The following NRXN3 variants were observed in gnomAD, a reference collection of about 807,000 sequenced individuals.
NRXN3 encodes neurexin 3.
In NRXN3, 32 loss-of-function variants were observed where a neutral mutation model predicts 137.6. The observed-to-expected ratio is 0.23, with a 90% CI of 0.18 to 0.31. The LOEUF (loss-of-function observed/expected upper bound fraction) is 0.31, where lower values mean the gene tolerates loss of function less well. Ranked by LOEUF, NRXN3 falls within the 10% of genes least tolerant of loss-of-function variation. The pLI, the probability that NRXN3 is intolerant of heterozygous loss-of-function variation, is 1.00. For synonymous variants in NRXN3, 798 were observed against 784.5 expected, an observed-to-expected ratio of 1.02 and a Z score of -0.29; for missense variants, 1,574 against 2,062.5, an observed-to-expected ratio of 0.76 and a Z score of 4.59.
At chr14:78,380,790 G>GTTT (rs55664650) in intron 4 of NRXN3, among the ~76,000 whole-genome samples, 167 of 145,638 alleles carry the variant, frequency 1.1e-3, no homozygotes, top group Middle Eastern at 0.011. Context: ...ATCTTATCAA[G>GTTT]TTTTTTTTTT....
intron 1 of NRXN3, among the ~76,000 whole-genome samples, chr14:78,198,972 C>T (rs1188338777): frequency 6.6e-6 from 1 of 152,196 alleles, no homozygotes; most frequent in African/African-American, 2.4e-5. Flanking sequence ...GAGAAAAAAA[C>T]CTCTGACCAG....
At chr14:79,148,603 T>C (rs1401147778) in intron 15 of NRXN3, among the ~76,000 whole-genome samples, 1 of 152,176 alleles carries the variant, frequency 6.6e-6, no homozygotes, top group Non-Finnish European at 1.5e-5. Context: ...CTGCCTTCCT[T>C]TGTGGACATA....
chr14:79,684,127 C>G (rs1326366939), intron 17 of NRXN3, among the ~76,000 whole-genome samples: 2 of 152,128 alleles, frequency 1.3e-5, no homozygotes, highest in Non-Finnish European at 2.9e-5. Context: ...AGAGGTATCT[C>G]CTACCAGAAA....
intron 15 of NRXN3, among the ~76,000 whole-genome samples, chr14:79,089,117 C>T (rs1463920582): frequency 6.6e-6 from 1 of 152,116 alleles, no homozygotes; most frequent in Non-Finnish European, 1.5e-5. Context: ...CTATGTCCCA[C>T]CTGTTTTGTC....
At chr14:79,656,720 A>G (rs2098508153) in intron 16 of NRXN3, among the ~76,000 whole-genome samples, 1 of 151,542 alleles carries the variant, frequency 6.6e-6, no homozygotes, top group South Asian at 2.1e-4. Context: ...TGTGGATCTA[A>G]TCCACTTTAA....
chr14:78,368,750 A>G lies in NRXN3; in HGVS notation c.757+70890A>G, dbSNP rs151020680. Among the ~76,000 whole-genome samples the G allele has an allele frequency of 6.4e-3, 981 of 152,302 alleles. 7 individuals carry two copies. The highest frequency in any genetic ancestry group is 0.011 in the Non-Finnish European group (722 of 68,024). ...GTAAAAATTCCATGGGTGTGGCCAC[A>G]TGCTATGGATTTAGACAATATTAAA... On this transcript the variant is annotated intron_variant, in intron 4 of 20. Transcript: ENST00000335750.
chr14:79,487,890 C>T (rs931102638), intron 16 of NRXN3, among the ~76,000 whole-genome samples: 3 of 152,254 alleles, frequency 2.0e-5, no homozygotes, highest in Non-Finnish European at 4.4e-5. Flanking sequence ...TGCATGTTAG[C>T]TCTGATTTTG....
intron 2 of NRXN3, among the ~76,000 whole-genome samples, chr14:78,260,415 T>C (rs2070492056): frequency 6.6e-6 from 1 of 152,224 alleles, no homozygotes; most frequent in South Asian, 2.1e-4. Flanking sequence ...GCCAGCAGAC[T>C]TAGGACTTAC....
intron 10 of NRXN3, among the ~76,000 whole-genome samples, chr14:78,887,214 T>C (rs1335129460): frequency 3.3e-5 from 5 of 152,090 alleles, no homozygotes; most frequent in Admixed American, 2.6e-4. Flanking sequence ...TGGAAAATTA[T>C]GTTCAGATAG....
In NRXN3 at chr14:79,225,268, C is replaced by G. The variant is rs193060726; in HGVS notation, c.3262+237127C>G. On this transcript the variant is annotated intron_variant, in intron 15 of 20. Transcript: ENST00000335750. ...GGACAGGTTCTGTTTGAAAAAATCC[C>G]TTACATGCAAAGTAAGATAAAACCA... Among the ~76,000 whole-genome samples the G allele has an allele frequency of 3.9e-5, 6 of 152,244 alleles. No homozygotes were observed. The East Asian group carries it at 9.7e-4, about 25-fold the overall frequency.
chr14:78,212,788 C>T (rs1001132214), intron 1 of NRXN3, among the ~76,000 whole-genome samples: 1 of 152,050 alleles, frequency 6.6e-6, no homozygotes, highest in Non-Finnish European at 1.5e-5. Context: ...AGAAAAAGTC[C>T]CCTGGTAGCA....
At chr14:79,592,015 C>T (rs149806861) in intron 16 of NRXN3, among the ~76,000 whole-genome samples, 175 of 152,314 alleles carry the variant, frequency 1.1e-3, no homozygotes, top group South Asian at 1.5e-3. Context: ...ACTCCATCCA[C>T]ATCCCTATAA....
intron 15 of NRXN3, among the ~76,000 whole-genome samples, chr14:79,164,938 TTATAATTTTGGAGC>T (rs1167820329): frequency 6.6e-6 from 1 of 152,128 alleles, no homozygotes; most frequent in East Asian, 1.9e-4. Flanking sequence ...ATTACTTATG[TTATAATTTTGGAGC>T]TATAATTTTG....
chr14:79,478,282 G>T (rs1054643916), intron 16 of NRXN3, among the ~76,000 whole-genome samples: 1 of 151,432 alleles, frequency 6.6e-6, no homozygotes, highest in Non-Finnish European at 1.5e-5. Context: ...AAGGCTAGAG[G>T]GTAGGGGATA....
intron 15 of NRXN3, among the ~76,000 whole-genome samples, chr14:79,076,193 T>G (rs1478557976): frequency 6.6e-6 from 1 of 152,170 alleles, no homozygotes; most frequent in Non-Finnish European, 1.5e-5. Flanking sequence ...TTGATTCTCA[T>G]TGTTCATTCA....
intron 19 of NRXN3, among the ~76,000 whole-genome samples, chr14:79,753,959 G>C (rs2099008427): frequency 6.6e-6 from 1 of 151,916 alleles, no homozygotes; most frequent in Non-Finnish European, 1.5e-5. Flanking sequence ...TTACACAGCA[G>C]TTATATTGTT....
At chr14:78,971,097 G>T (rs2099437644) in intron 14 of NRXN3, among the ~76,000 whole-genome samples, 1 of 152,122 alleles carries the variant, frequency 6.6e-6, no homozygotes, top group Non-Finnish European at 1.5e-5. Context: ...GTACCACTGT[G>T]AATAAGCCCT....
chr14:79,833,598 A>G (rs1470139810), intron 20 of NRXN3, among the ~76,000 whole-genome samples: 1 of 145,270 alleles, frequency 6.9e-6, no homozygotes, highest in Non-Finnish European at 1.5e-5. Flanking sequence ...TCAGATTCTC[A>G]ATAGGGTTTA....
chr14:79,265,223 G>C lies in NRXN3; in HGVS notation c.3263-201998G>C, dbSNP rs143159091. Among the ~76,000 whole-genome samples, 968 of 148,848 alleles carry C rather than the reference G, an allele frequency of 6.5e-3. 9 individuals carry two copies. The highest frequency in any genetic ancestry group is 0.022 in the African/African-American group (908 of 40,516). On this transcript the variant is annotated intron_variant, in intron 15 of 20. Transcript: ENST00000335750. The stretch of plus-strand genomic sequence containing the variant: ...TGGTAAGTGAGGGTAGGAGGAATGG[G>C]GGTTGCTCTTTTTTTTTTTTTTTTT...
Sources: gnomAD v4.1 joint callset for allele counts (sites outside exome capture counted in the v4.1 genomes callset) on GRCh38, gnomAD v4.1.1 for gene constraint, MANE v1.5 for transcripts, NCBI Gene and HGNC (gene_info 2026-07-23, HGNC 2026-07-21) for gene names.